LRRC74B: variants seen among roughly 807,000 people sequenced by gnomAD.
LRRC74B encodes the protein leucine-rich repeat-containing protein 74B.
A neutral mutation model predicts 16.6 loss-of-function variants in LRRC74B; 30 were observed. The observed-to-expected ratio is 1.80, with a 90% CI of 1.35 to 2.45. The LOEUF (loss-of-function observed/expected upper bound fraction) is 2.45, where lower values mean the gene tolerates loss of function less well. LRRC74B is among the 30% of genes most tolerant of loss of function. The pLI is 0.00. For missense variants in LRRC74B, 326 were observed against 202.4 expected, an observed-to-expected ratio of 1.61 and a Z score of -3.71; for synonymous variants, 134 against 86.0, an observed-to-expected ratio of 1.56 and a Z score of -3.09.
At chr22:21,055,052 T>C in intron 6 of LRRC74B, 46 bp from the exon 7 acceptor site, 1 of 713,080 alleles carries the variant, frequency 1.4e-6, no homozygotes, top group Non-Finnish European at 2.6e-6. Context: ...TCTGCACCGC[T>C]GCTTGGAAGG....
rs1930747051 is a variant in LRRC74B at position 21,060,286 on chromosome 22, T to A, written c.1024-87T>A. The A allele has an allele frequency of 4.8e-6, 3 of 623,698 alleles. No individual in the cohort carries two copies. The African/African-American group carries it at 5.6e-5, about 12-fold the overall frequency. 38.6% of individuals were successfully genotyped at this position (623,698 alleles called of 1,614,324 possible). Reference sequence around the variant, plus strand: ...CAGGGGAGAAGCTGCCCGAAGGAGCTTCTCTGAGACCTTGCGTGTGTGAGT... The same window carrying A: ...CAGGGGAGAAGCTGCCCGAAGGAGCATCTCTGAGACCTTGCGTGTGTGAGT... On this transcript the variant is annotated intron_variant, in intron 8 of 8. Coordinates refer to ENST00000442047, the Ensembl canonical transcript of LRRC74B.
chr22:21,063,706 G>A (rs920066830), downstream of LRRC74B: 2 of 152,382 alleles, frequency 1.3e-5, no homozygotes, highest in African/African-American at 4.8e-5. Context: ...TGGGTGCAGA[G>A]GCTCATTCCT....
At chr22:21,055,325 C>G (rs532817723) in intron 7 of LRRC74B, 149 bp downstream of exon 7, 2 of 606,720 alleles carry the variant, frequency 3.3e-6, no homozygotes, top group Admixed American at 5.2e-5. Context: ...GAATCTGGGG[C>G]CTGGCCCTCC....
chr22:21,064,078 C>T (rs1457362226), downstream of LRRC74B: 2 of 152,740 alleles, frequency 1.3e-5, no homozygotes, highest in Non-Finnish European at 2.9e-5. Context: ...TGCCCGGGGG[C>T]AATTGTTTAA....
intron 4 of LRRC74B, among the ~76,000 whole-genome samples, chr22:21,051,328 T>C (rs1930024054): frequency 6.6e-6 from 1 of 152,166 alleles, no homozygotes. Flanking sequence ...TGGAGGGTTC[T>C]GTTCGGCCAT....
chr22:21,056,782 T>G (rs890128926), intron 7 of LRRC74B: 1 of 261,222 alleles, frequency 3.8e-6, no homozygotes, highest in Non-Finnish European at 7.2e-6. Context: ...GGGGAGCTGG[T>G]GCACACTCAC....
chr22:21,047,360 C>T (rs774407556), exon 2 of LRRC74B: 15 of 717,030 alleles, frequency 2.1e-5, no homozygotes, highest in South Asian at 1.2e-4. Context: ...TGCCAGGCAC[C>T]GATGGGCTTG....
At chr22:21,048,864 C>T in intron 3 of LRRC74B, 87 bp from the exon 4 acceptor site, 1 of 674,734 alleles carries the variant, frequency 1.5e-6, no homozygotes. Context: ...CTTCCTCAGC[C>T]TCAGACCTGG....
chr22:21,049,204 G>A (rs1929766126), intron 4 of LRRC74B, 47 bp downstream of exon 4: 2 of 682,428 alleles, frequency 2.9e-6, no homozygotes, highest in Non-Finnish European at 5.5e-6. Context: ...CAGCTTCCTG[G>A]GGCAGGGATG....
At chr22:21,063,973 TCAAAACAAAA>T (rs147466642), downstream of LRRC74B, 2 of 159,670 alleles carry the variant, frequency 1.3e-5, no homozygotes, top group South Asian at 2.0e-4. Context: ...AGACTCTGTC[TCAAAACAAAA>T]CAAAACAAAA....
chr22:21,045,997 C>T, exon 1 of LRRC74B: 2 of 717,446 alleles, frequency 2.8e-6, no homozygotes, highest in Non-Finnish European at 5.2e-6. Context: ...ATGAGGGGTT[C>T]CTGTGAGAGG....
At chr22:21,046,826 T>C (rs1016289431) in intron 1 of LRRC74B, among the ~76,000 whole-genome samples, 1 of 151,924 alleles carries the variant, frequency 6.6e-6, no homozygotes, top group Non-Finnish European at 1.5e-5. Flanking sequence ...GTGGGGTGGC[T>C]CACGCCTGTA....
intron 6 of LRRC74B, 148 bp from the exon 7 acceptor site, chr22:21,054,950 G>A (rs1373090042): frequency 1.4e-5 from 9 of 630,142 alleles, no homozygotes; most frequent in Non-Finnish European, 2.6e-5. Flanking sequence ...CTGTTGATCT[G>A]TCCAGGGTTC....
intron 6 of LRRC74B, 66 bp from the exon 7 acceptor site, chr22:21,055,032 G>T: frequency 1.4e-6 from 1 of 702,242 alleles, no homozygotes. Context: ...GGCACCCTGG[G>T]GCAGTGGGCT....
exon 7 of LRRC74B, chr22:21,055,112 C>T (rs752394020): frequency 1.4e-6 from 1 of 717,370 alleles, no homozygotes; most frequent in South Asian, 1.5e-5. Context: ...AACCGCATCT[C>T]TGCGATGGGA....
In LRRC74B at chr22:21,054,918, C is replaced by T. The variant is rs182287541; in HGVS notation, c.849-180C>T. Among the ~76,000 whole-genome samples the T allele has an allele frequency of 1.4e-4, 21 of 152,270 alleles. No homozygotes were observed. In the East Asian group the frequency reaches 3.1e-3, roughly 22 times the overall value. ...GTGTTTGCCGTGTGATTCCTCTGAA[C>T]GGTGTCATCTCCACCTTTTACCTGT... On this transcript the variant is annotated intron_variant, in intron 6 of 8. Coordinates refer to ENST00000442047, the Ensembl canonical transcript of LRRC74B.
chr22:21,058,057 T>A (rs2148164087), intron 8 of LRRC74B, among the ~76,000 whole-genome samples: 1 of 151,610 alleles, frequency 6.6e-6, no homozygotes, highest in Non-Finnish European at 1.5e-5. Context: ...GGCTGATTTT[T>A]TTTTTTTTTT....
intron 8 of LRRC74B, 69 bp downstream of exon 8, chr22:21,057,269 G>T: frequency 2.9e-6 from 2 of 692,286 alleles, no homozygotes; most frequent in Admixed American, 4.4e-5. Flanking sequence ...AATTTTAGAA[G>T]AAGAAAGTGA....
rs1601818260 is a variant in LRRC74B, at chr22:21,054,488, C to A, written c.849-610C>A. 4.6e-5 allele frequency among the ~76,000 whole-genome samples: 7 copies of A among 152,340 alleles called. 2 individuals are homozygous for A. The highest frequency in any genetic ancestry group is 4.6e-4 in the Admixed American group (7 of 15,300). On this transcript the variant is annotated intron_variant, in intron 6 of 8. Coordinates refer to ENST00000442047, the Ensembl canonical transcript of LRRC74B. ...TGCCAGGGAGGTCACGGGCCAGAGG[C>A]CAGGGAGGTCATGGGCTGCTGTGGC...
Sources: gnomAD v4.1 joint callset for allele counts (sites outside exome capture counted in the v4.1 genomes callset) on GRCh38, gnomAD v4.1.1 for gene constraint, MANE v1.5 for transcripts, NCBI Gene and HGNC (gene_info 2026-07-23, HGNC 2026-07-21) for gene names.